Variants in CTNNA3 observed in about 807,000 individuals in gnomAD.
The protein encoded by CTNNA3 is catenin alpha 3.
In CTNNA3, 76 loss-of-function variants were observed where a neutral mutation model predicts 95.7. The observed-to-expected ratio is 0.79, with a 90% confidence interval of 0.66 to 0.96. The LOEUF (loss-of-function observed/expected upper bound fraction) is 0.96. Ranked by LOEUF, CTNNA3 falls within the 40% of genes least tolerant of loss-of-function variation. The pLI is 0.00. For missense variants in CTNNA3, 1,191 were observed against 1,089.8 expected, an observed-to-expected ratio of 1.09 and a Z score of -1.31; for synonymous variants, 431 against 374.4, an observed-to-expected ratio of 1.15 and a Z score of -1.74.
intron 7 of CTNNA3, among the ~76,000 whole-genome samples, chr10:66,969,602 G>A (rs946359180): frequency 6.6e-6 from 1 of 151,996 alleles, no homozygotes; most frequent in African/African-American, 2.4e-5. Flanking sequence ...ATGATAATTT[G>A]TATTATAACT....
chr10:66,141,294 A>AG (rs1324696047), intron 13 of CTNNA3, among the ~76,000 whole-genome samples: 2 of 151,856 alleles, frequency 1.3e-5, no homozygotes, highest in East Asian at 3.9e-4. Context: ...AAAGAAAGAA[A>AG]AATTTCTGAG....
chr10:67,512,064 C>T (rs929711960), intron 5 of CTNNA3, among the ~76,000 whole-genome samples: 22 of 152,032 alleles, frequency 1.4e-4, no homozygotes, highest in Non-Finnish European at 1.0e-4. Context: ...TCTTTTATTG[C>T]TTCTCTAAAT....
At chr10:67,661,289 G>A (rs1280060600) in intron 1 of CTNNA3, among the ~76,000 whole-genome samples, 1 of 149,254 alleles carries the variant, frequency 6.7e-6, no homozygotes, top group Non-Finnish European at 1.5e-5. Context: ...AGAAAAAGGA[G>A]GGAGGGAGGG....
At chr10:66,738,254 T>C (rs1458242219) in intron 9 of CTNNA3, among the ~76,000 whole-genome samples, 4 of 152,236 alleles carry the variant, frequency 2.6e-5, no homozygotes, top group Non-Finnish European at 5.9e-5. Flanking sequence ...CTATTATGTT[T>C]TTGATTGATC....
At chr10:67,670,369 T>C (rs1395091671) in intron 1 of CTNNA3, among the ~76,000 whole-genome samples, 2 of 152,194 alleles carry the variant, frequency 1.3e-5, no homozygotes, top group Non-Finnish European at 2.9e-5. Flanking sequence ...ACAAAAGAAA[T>C]ATATGTACAA....
chr10:66,466,148 G>T (rs1403660554), intron 11 of CTNNA3, among the ~76,000 whole-genome samples: 3 of 151,990 alleles, frequency 2.0e-5, no homozygotes, highest in Non-Finnish European at 2.9e-5. Context: ...CCAAGGAAGA[G>T]AAATTTTGGC....
intron 12 of CTNNA3, among the ~76,000 whole-genome samples, chr10:66,322,104 T>A (rs1476969597): frequency 6.6e-6 from 1 of 152,136 alleles, no homozygotes; most frequent in Admixed American, 6.5e-5. Flanking sequence ...ACAGAGGATT[T>A]CGAATCTTTT....
intron 7 of CTNNA3, among the ~76,000 whole-genome samples, chr10:67,014,544 T>G (rs557271255): frequency 6.6e-5 from 10 of 152,282 alleles, no homozygotes; most frequent in African/African-American, 1.7e-4. Flanking sequence ...GTTCCTATGA[T>G]CTCTTTTATT....
chr10:66,480,132 C>G (rs79918937), intron 11 of CTNNA3, among the ~76,000 whole-genome samples: 5,546 of 152,182 alleles, frequency 0.036, 360 homozygotes, highest in African/African-American at 0.13. Context: ...AGACAGTTTT[C>G]ATTTCCAAAG....
At chr10:66,473,894 T>C (rs1228492839) in intron 11 of CTNNA3, among the ~76,000 whole-genome samples, 1 of 152,134 alleles carries the variant, frequency 6.6e-6, no homozygotes, top group Admixed American at 6.6e-5. Context: ...ATGTGCCACA[T>C]TTTCTTAATC....
At chr10:66,777,556 T>A (rs1840352908) in intron 7 of CTNNA3, among the ~76,000 whole-genome samples, 1 of 152,104 alleles carries the variant, frequency 6.6e-6, no homozygotes, top group African/African-American at 2.4e-5. Flanking sequence ...CAGTGGGGAA[T>A]TATGAAGAGC....
intron 7 of CTNNA3, among the ~76,000 whole-genome samples, chr10:67,071,799 C>T (rs1254451811): frequency 6.6e-6 from 1 of 152,054 alleles, no homozygotes; most frequent in Non-Finnish European, 1.5e-5. Context: ...TCTAATTTTT[C>T]CCTTTTTCTT....
intron 9 of CTNNA3, among the ~76,000 whole-genome samples, chr10:66,678,062 A>G (rs917873280): frequency 2.0e-5 from 3 of 152,206 alleles, no homozygotes; most frequent in African/African-American, 7.2e-5. Flanking sequence ...ACGGAACTCA[A>G]TCTAAAGGTC....
intron 5 of CTNNA3, among the ~76,000 whole-genome samples, chr10:67,400,502 T>C: frequency 6.6e-6 from 1 of 152,198 alleles, no homozygotes; most frequent in East Asian, 1.9e-4. Flanking sequence ...ATGGGCATCC[T>C]GATATTCACT....
chr10:67,349,453 A>T (rs1842553175), intron 5 of CTNNA3, among the ~76,000 whole-genome samples: 1 of 152,214 alleles, frequency 6.6e-6, no homozygotes, highest in Admixed American at 6.5e-5. Flanking sequence ...CCAGTCATCA[A>T]AGGACAAATA....
At chr10:66,055,661 C>T (rs896964196) in intron 15 of CTNNA3, among the ~76,000 whole-genome samples, 3 of 152,048 alleles carry the variant, frequency 2.0e-5, no homozygotes, top group South Asian at 2.1e-4. Context: ...TGATGGCTTA[C>T]GCCTGTAATA....
intron 1 of CTNNA3, among the ~76,000 whole-genome samples, chr10:67,724,941 T>G (rs1841200295): frequency 6.6e-6 from 1 of 152,090 alleles, no homozygotes; most frequent in South Asian, 2.1e-4. Context: ...TACCAAAACC[T>G]TAAACCTTAC....
At chr10:67,428,440 ATACTT>A (rs985390758) in intron 5 of CTNNA3, among the ~76,000 whole-genome samples, 1 of 152,100 alleles carries the variant, frequency 6.6e-6, no homozygotes, top group African/African-American at 2.4e-5. Context: ...AATTAAGAAA[ATACTT>A]TAATAGGTTT....
intron 11 of CTNNA3, among the ~76,000 whole-genome samples, chr10:66,519,798 C>T (rs1194028269): frequency 6.6e-6 from 1 of 152,102 alleles, no homozygotes; most frequent in Non-Finnish European, 1.5e-5. Flanking sequence ...CACATGTCAT[C>T]AGGAACTTCT....
Sources: allele counts gnomAD v4.1 joint callset (sites outside exome capture counted in the v4.1 genomes callset), GRCh38; gene constraint gnomAD v4.1.1; transcripts MANE v1.5; gene names NCBI Gene and HGNC (gene_info 2026-07-23, HGNC 2026-07-21).